The following RHOBTB3 variants were observed in gnomAD, a reference collection of about 807,000 sequenced individuals.
The protein encoded by RHOBTB3 is rho-related BTB domain-containing protein 3.
RHOBTB3 carries 47 observed loss-of-function variants against 67.2 expected under a neutral mutation model. That is an observed-to-expected ratio of 0.70 (90% CI 0.55 to 0.89). The LOEUF (loss-of-function observed/expected upper bound fraction) is 0.89. Ranked by LOEUF, RHOBTB3 falls within the 40% of genes least tolerant of loss-of-function variation. RHOBTB3 has a pLI of 0.00. For missense variants in RHOBTB3, 631 were observed against 750.0 expected (o/e 0.84, Z 1.85); for synonymous variants, 273 against 274.2 (o/e 1.00, Z 0.04).
intron 6 of RHOBTB3, among the ~76,000 whole-genome samples, chr5:95,762,180 A>G (rs1434024035): frequency 2.0e-5 from 3 of 152,172 alleles, no homozygotes; most frequent in Non-Finnish European, 1.5e-5. Flanking sequence ...GGCAAATGCT[A>G]CATATCATTT....
chr5:95,758,413 A>C (rs1010524759), intron 6 of RHOBTB3, among the ~76,000 whole-genome samples: 1 of 152,162 alleles, frequency 6.6e-6, no homozygotes, highest in Non-Finnish European at 1.5e-5. Flanking sequence ...CTTTCCAGGG[A>C]TCACAGGCCG....
intron 1 of RHOBTB3, chr5:95,719,710 C>T (rs1487686684): frequency 2.0e-5 from 3 of 152,136 alleles, no homozygotes; most frequent in African/African-American, 7.2e-5. Flanking sequence ...TGTGGCTCTT[C>T]GATGATCCTT....
chr5:95,774,463 T>C (rs1745810296), intron 8 of RHOBTB3, among the ~76,000 whole-genome samples: 1 of 152,238 alleles, frequency 6.6e-6, no homozygotes, highest in Admixed American at 6.5e-5. Flanking sequence ...TGTCATTATA[T>C]GGCTATATCC....
At chr5:95,785,067 C>G (rs1746182089) in intron 10 of RHOBTB3, among the ~76,000 whole-genome samples, 1 of 152,176 alleles carries the variant, frequency 6.6e-6, no homozygotes, top group African/African-American at 2.4e-5. Context: ...TATCTCCATC[C>G]ACATTGCTAA....
At chr5:95,749,231 G>A (rs373920444) in intron 4 of RHOBTB3, among the ~76,000 whole-genome samples, 4 of 152,206 alleles carry the variant, frequency 2.6e-5, no homozygotes, top group Non-Finnish European at 5.9e-5. Context: ...GAAGTTAAAA[G>A]CAAAGAAAAC....
intron 11 of RHOBTB3, among the ~76,000 whole-genome samples, chr5:95,791,946 G>T (rs1342709499): frequency 1.3e-5 from 2 of 152,098 alleles, no homozygotes; most frequent in Non-Finnish European, 2.9e-5. Context: ...GTAGGTTTCA[G>T]CCTCATTGTC....
At position 95,740,893 on chromosome 5, in the gene RHOBTB3, A is replaced by G. The variant is rs568527054; in HGVS notation, c.415+3818A>G. Reference sequence around the variant, plus strand: ...CTTTTTTTTGGCTGAACTATTTGAGAGTGAATTGTAAACATTATGAGATTT... The same window carrying G: ...CTTTTTTTTGGCTGAACTATTTGAGGGTGAATTGTAAACATTATGAGATTT... On this transcript the variant is annotated intron_variant, in intron 3 of 11. Coordinates refer to ENST00000379982, the MANE Select transcript of RHOBTB3 (RefSeq NM_014899.4). 2.6e-5 allele frequency among the ~76,000 whole-genome samples: 4 copies of G among 152,326 alleles called. No homozygotes were observed. The East Asian group carries it at 7.7e-4, about 29-fold the overall frequency.
intron 4 of RHOBTB3, among the ~76,000 whole-genome samples, chr5:95,750,814 G>A (rs1186478657): frequency 6.6e-6 from 1 of 152,160 alleles, no homozygotes; most frequent in Non-Finnish European, 1.5e-5. Context: ...TGTGCACAGA[G>A]CTCTTTAAAG....
chr5:95,775,279 G>T (rs1050754101), intron 8 of RHOBTB3, among the ~76,000 whole-genome samples: 28 of 151,936 alleles, frequency 1.8e-4, no homozygotes, highest in Non-Finnish European at 3.8e-4. Context: ...TTTGAGTGCT[G>T]ATGTGGTGCT....
chr5:95,723,093 G>C (rs537473719), intron 1 of RHOBTB3, among the ~76,000 whole-genome samples: 2 of 152,064 alleles, frequency 1.3e-5, no homozygotes, highest in South Asian at 4.1e-4. Flanking sequence ...TAACATTCTA[G>C]ATCAGGGCTT....
intron 5 of RHOBTB3, among the ~76,000 whole-genome samples, chr5:95,753,179 A>G (rs1319320278): frequency 6.6e-6 from 1 of 151,566 alleles, no homozygotes; most frequent in Non-Finnish European, 1.5e-5. Context: ...GGATCCTGAT[A>G]TCTGCAACTT....
At chr5:95,743,547 T>A (rs1287105417) in intron 3 of RHOBTB3, among the ~76,000 whole-genome samples, 2 of 151,988 alleles carry the variant, frequency 1.3e-5, no homozygotes. Flanking sequence ...TCTCAAGCAC[T>A]CCTAGTTTCT....
chr5:95,728,168 T>C (rs1755114229), upstream of RHOBTB3, among the ~76,000 whole-genome samples: 1 of 152,232 alleles, frequency 6.6e-6, no homozygotes, highest in African/African-American at 2.4e-5. Context: ...GGTGAGTATG[T>C]AGCCAGGCTT....
At position 95,763,716 on chromosome 5, in the gene RHOBTB3, A is replaced by G. The variant is rs1745457863; in HGVS notation, c.1161+96A>G. 2 of 682,014 alleles carry G rather than the reference A, an allele frequency of 2.9e-6. 1 individual carries two copies. Among genetic ancestry groups the G allele is most frequent in the Non-Finnish European group, 5.2e-6 (2 of 383,678 alleles). 42.2% of individuals were successfully genotyped at this position (682,014 alleles called of 1,614,324 possible). On this transcript the variant is annotated intron_variant, in intron 7 of 11. Transcript: ENST00000379982. The stretch of plus-strand genomic sequence containing the variant: ...AAAATTGAGTCGTTAGAAGAGTCAA[A>G]TACTGTATAAATGTAAATGTTTTCC...
At chr5:95,764,404 T>G (rs1745484141) in intron 7 of RHOBTB3, among the ~76,000 whole-genome samples, 1 of 152,220 alleles carries the variant, frequency 6.6e-6, no homozygotes, top group Non-Finnish European at 1.5e-5. Context: ...CAGTTAAGGA[T>G]GATCTCATCA....
At chr5:95,785,582 A>G (rs1296460761) in intron 10 of RHOBTB3, among the ~76,000 whole-genome samples, 1 of 151,188 alleles carries the variant, frequency 6.6e-6, no homozygotes, top group Non-Finnish European at 1.5e-5. Flanking sequence ...TGACAGAGTG[A>G]GACTCCGTCT....
chr5:95,752,594 A>T (rs1414699625), intron 5 of RHOBTB3, among the ~76,000 whole-genome samples: 1 of 152,186 alleles, frequency 6.6e-6, no homozygotes, highest in African/African-American at 2.4e-5. Context: ...TATAGATCCT[A>T]TGTGTCCTAG....
intron 3 of RHOBTB3, among the ~76,000 whole-genome samples, chr5:95,739,764 C>T (rs1444321433): frequency 6.6e-6 from 1 of 152,128 alleles, no homozygotes; most frequent in Non-Finnish European, 1.5e-5. Flanking sequence ...AGGCTGGTCT[C>T]CATCTCCTAG....
intron 6 of RHOBTB3, among the ~76,000 whole-genome samples, chr5:95,763,254 C>T (rs926191057): frequency 7.7e-4 from 117 of 152,168 alleles, no homozygotes; most frequent in African/African-American, 2.5e-3. Context: ...TCACTAGCTG[C>T]CCACCTATTG....
Sources: gnomAD v4.1 joint callset for allele counts (sites outside exome capture counted in the v4.1 genomes callset) on GRCh38, gnomAD v4.1.1 for gene constraint, MANE v1.5 for transcripts, NCBI Gene and HGNC (gene_info 2026-07-23, HGNC 2026-07-21) for gene names.